BIRC6: variants seen among roughly 807,000 people sequenced by gnomAD.
BIRC6 encodes the protein baculoviral IAP repeat containing 6, also known as dual E2 ubiquitin-conjugating enzyme/E3 ubiquitin-protein ligase BIRC6.
In BIRC6, 98 loss-of-function variants were observed where a neutral mutation model predicts 503.3. The observed-to-expected ratio is 0.19, with a 90% CI of 0.17 to 0.23. BIRC6 has a LOEUF of 0.23. Among genes scored for constraint, BIRC6 ranks in the 10% least tolerant of loss-of-function variants. The probability of loss-of-function intolerance (pLI) is 1.00; values close to 1 mark genes in which losing one functional copy is unlikely to be tolerated. For missense variants in BIRC6, 5,360 were observed against 5,806.0 expected (o/e 0.92, Z 2.50); for synonymous variants, 2,240 against 2,078.7 (o/e 1.08, Z -2.11).
At chr2:32,477,017 AT>A (rs2049841142) in intron 34 of BIRC6, among the ~76,000 whole-genome samples, 1 of 152,150 alleles carries the variant, frequency 6.6e-6, no homozygotes, top group South Asian at 2.1e-4. Context: ...TTGATGTTAT[AT>A]TAGTTTTCTT....
intron 65 of BIRC6, among the ~76,000 whole-genome samples, chr2:32,558,211 T>G (rs1043941960): frequency 6.6e-6 from 1 of 152,154 alleles, no homozygotes; most frequent in Non-Finnish European, 1.5e-5. Context: ...ATAATGAAAA[T>G]GTAGAAGTTA....
At chr2:32,456,914 C>T (rs959728142) in intron 23 of BIRC6, among the ~76,000 whole-genome samples, 4 of 151,974 alleles carry the variant, frequency 2.6e-5, no homozygotes, top group African/African-American at 9.7e-5. Flanking sequence ...GGGAATTCTT[C>T]GATCATTATG....
At chr2:32,368,101 CAG>C (rs1472010000) in intron 1 of BIRC6, among the ~76,000 whole-genome samples, 1 of 152,162 alleles carries the variant, frequency 6.6e-6, no homozygotes, top group East Asian at 1.9e-4. Flanking sequence ...TTAGAATCAT[CAG>C]GGGAAATTTT....
intron 32 of BIRC6, among the ~76,000 whole-genome samples, chr2:32,472,749 A>AT (rs2049247869): frequency 6.6e-6 from 1 of 152,220 alleles, no homozygotes; most frequent in African/African-American, 2.4e-5. Flanking sequence ...TTGGTTCCTG[A>AT]TTAAAAGCGT....
At chr2:32,586,633 G>T (rs896315468) in intron 66 of BIRC6, among the ~76,000 whole-genome samples, 1 of 151,692 alleles carries the variant, frequency 6.6e-6, no homozygotes, top group Non-Finnish European at 1.5e-5. Context: ...TGCCCAGGCT[G>T]GTCTTGAACT....
chr2:32,430,336 T>C (rs1449842018), intron 11 of BIRC6, among the ~76,000 whole-genome samples: 1 of 152,246 alleles, frequency 6.6e-6, no homozygotes, highest in African/African-American at 2.4e-5. Context: ...CTAGCATGTA[T>C]GCAAGATTTT....
rs1050293162 is a variant in BIRC6 at position 32,579,949 on chromosome 2, A to C, written c.13355+4583A>C. ...CATATAAATGGGGGAAATAATAACC[A>C]GGCAGGTTTTTTTTTTTTTTTTTGG... On this transcript the variant is annotated intron_variant, in intron 66 of 73. Coordinates refer to ENST00000421745, the MANE Select transcript of BIRC6 (RefSeq NM_016252.4). Among the ~76,000 whole-genome samples, 11 of 149,316 alleles carry C rather than the reference A, an allele frequency of 7.4e-5. No homozygotes were observed. The East Asian group carries it at 2.0e-3, about 27-fold the overall frequency.
At position 32,369,942 on chromosome 2, in the gene BIRC6, AAAAATATATATATAT is replaced by A. The variant is rs1490962638; in HGVS notation, c.326-7644_326-7630del. Among the ~76,000 whole-genome samples, 17 of 34,312 alleles carry A rather than the reference AAAAATATATATATAT, an allele frequency of 5.0e-4. 2 individuals are homozygous for A. Among genetic ancestry groups the A allele is most frequent in the African/African-American group, 2.9e-3 (17 of 5,890 alleles). 22.5% of individuals were successfully genotyped at this position (34,312 alleles called of 152,430 possible). A position where few individuals can be genotyped will look rare whatever the true frequency, so the allele number is the denominator to read the frequency against. ...CCTGTCTCTTAAAAAAAAAAAAAAA[AAAAATATATATATAT>A]ATATATATATATATATATATATATA... On this transcript the variant is annotated intron_variant, in intron 1 of 73. Coordinates refer to ENST00000421745, the MANE Select transcript of BIRC6 (RefSeq NM_016252.4).
chr2:32,418,954 A>G (rs2042661235), intron 10 of BIRC6, among the ~76,000 whole-genome samples: 1 of 152,154 alleles, frequency 6.6e-6, no homozygotes, highest in Non-Finnish European at 1.5e-5. Context: ...TCTCAAACAA[A>G]ACAAACAAAC....
intron 12 of BIRC6, 91 bp downstream of exon 12, chr2:32,431,181 CTTTTTT>C (rs10610125): frequency 0.019 from 1,279 of 69,002 alleles, no homozygotes; most frequent in South Asian, 0.046. Flanking sequence ...TACTGTTTAT[CTTTTTT>C]TTTTTTTTTT....
At position 32,392,077 on chromosome 2, in the gene BIRC6, T is replaced by A; in HGVS notation, c.878T>A (p.Phe293Tyr). ...MYSEANRRET[F>Y]TSWPHVGYRW... ...AGTGAAGCTAACAGACGGGAGACATTTACCTCATGGCCTCATGTAGGCTAT... is the reference window on the plus strand; with the variant it reads ...AGTGAAGCTAACAGACGGGAGACATATACCTCATGGCCTCATGTAGGCTAT... The change falls in exon 5 of 74, where the codon TTT becomes TAT. Residue 293 changes from phenylalanine (F) to tyrosine (Y), a missense_variant. Around this residue, in one of 16 missense-constraint regions of BIRC6, gnomAD observed 92 missense variants for 176.7 expected, o/e 0.52. Transcript: ENST00000421745. 2 of 1,596,670 alleles carry A rather than the reference T, an allele frequency of 1.3e-6. No individual in the cohort carries two copies. Among genetic ancestry groups the A allele is most frequent in the East Asian group, 2.2e-5 (1 of 44,466 alleles).
At chr2:32,551,611 T>G (rs1033683249) in intron 65 of BIRC6, among the ~76,000 whole-genome samples, 3 of 152,146 alleles carry the variant, frequency 2.0e-5, no homozygotes, top group Non-Finnish European at 4.4e-5. Context: ...CTGAACAAAT[T>G]ATCTAGCCAG....
chr2:32,436,256 C>G lies in BIRC6; in HGVS notation c.3631+72C>G, dbSNP rs146695633. ...GTAAAAAAGACGAAAAAAAACTGATCTCAAAAAAAATAAGATTGTTTTCTT... is the reference window on the plus strand; with the variant it reads ...GTAAAAAAGACGAAAAAAAACTGATGTCAAAAAAAATAAGATTGTTTTCTT... On this transcript the variant is annotated intron_variant, in intron 15 of 73. Transcript: ENST00000421745. The G allele has an allele frequency of 1.6e-3, 1,990 of 1,232,996 alleles. 20 individuals carry two copies. The highest frequency in any genetic ancestry group is 0.012 in the Middle Eastern group (58 of 4,750). The allele number at this position is 1,232,996 out of a possible 1,614,324, so 76.4% of individuals were successfully genotyped here.
intron 8 of BIRC6, among the ~76,000 whole-genome samples, chr2:32,402,504 T>A (rs2040713982): frequency 1.3e-5 from 2 of 152,220 alleles, no homozygotes; most frequent in African/African-American, 4.8e-5. Flanking sequence ...TGTCCTTTCA[T>A]TAAGGAATAA....
intron 6 of BIRC6, among the ~76,000 whole-genome samples, chr2:32,397,713 CAT>C (rs531537145): frequency 9.3e-5 from 14 of 150,124 alleles, no homozygotes; most frequent in Non-Finnish European, 1.9e-4. Context: ...CACACACACA[CAT>C]ATATACACCA....
rs769558631 is a variant in BIRC6, at chr2:32,499,539, C to G, written c.8469-8C>G. ...TCTTTTTCTGTCTCTCTCTCTCTCTCTCTGCAGGGGTGCTTTCCAGACAGG... is the reference window on the plus strand; with the variant it reads ...TCTTTTTCTGTCTCTCTCTCTCTCTGTCTGCAGGGGTGCTTTCCAGACAGG... On this transcript the variant is annotated splice_region_variant and splice_polypyrimidine_tract_variant and intron_variant, in intron 45 of 73. Transcript: ENST00000421745. 7 of 1,574,456 alleles carry G rather than the reference C, an allele frequency of 4.4e-6. No homozygotes were observed. The Admixed American group carries it at 9.5e-5, about 21-fold the overall frequency.
chr2:32,357,607 C>T lies in BIRC6; in HGVS notation c.325+121C>T, dbSNP rs542493800. The T allele has an allele frequency of 4.1e-6, 6 of 1,450,932 alleles. No homozygotes were observed. The highest frequency in any genetic ancestry group is 2.9e-5 in the Admixed American group (1 of 34,824). 89.9% of individuals were successfully genotyped at this position (1,450,932 alleles called of 1,614,324 possible). A position where few individuals can be genotyped will look rare whatever the true frequency, so the allele number is the denominator to read the frequency against. ...GAGGGCAGGGCTGGGGGTTCGGGCC[C>T]AGCCGTGAAGGGAGGCCCGGAAGCT... On this transcript the variant is annotated intron_variant, in intron 1 of 73. Coordinates refer to ENST00000421745, the MANE Select transcript of BIRC6 (RefSeq NM_016252.4). This position sits in a 1 kb window ranked among gnomAD's most constrained non-coding sequence, Gnocchi z 4.9.
At chr2:32,395,688 C>G in intron 6 of BIRC6, 95 bp downstream of exon 6, 1 of 1,025,716 alleles carries the variant, frequency 9.7e-7, no homozygotes, top group South Asian at 1.4e-5. Flanking sequence ...AATTTTTTGC[C>G]TTTTTGCCAC....
chr2:32,593,910 T>A lies in BIRC6; in HGVS notation c.13356-5T>A, dbSNP rs1298050450. The A allele has an allele frequency of 1.1e-5, 18 of 1,604,256 alleles. No homozygotes were observed. The East Asian group carries it at 4.0e-4, about 36-fold the overall frequency. ...TGCTTTTCTTTCCATATTAAAAAAA[T>A]TCAGATCTAAAAGGGAAAATGTTAA... On this transcript the variant is annotated splice_polypyrimidine_tract_variant and splice_region_variant and intron_variant, in intron 66 of 73. Transcript: ENST00000421745.
Sources: gnomAD v4.1 joint callset for allele counts (sites outside exome capture counted in the v4.1 genomes callset) on GRCh38, gnomAD v4.1.1 for gene constraint, gnomAD v4.1.1 regional missense constraint, Gnocchi (gnomAD v3.1) non-coding constraint, MANE v1.5 for transcripts, NCBI Gene and HGNC (gene_info 2026-07-23, HGNC 2026-07-21) for gene names.